LOXL3: variants seen among roughly 807,000 people sequenced by gnomAD.
LOXL3 encodes the protein lysyl oxidase like 3.
Under a neutral mutation model 91.8 loss-of-function variants are expected in LOXL3, and 60 were observed. The ratio of observed to expected loss-of-function variants is 0.65; its 90% CI spans 0.53 to 0.81. The LOEUF (loss-of-function observed/expected upper bound fraction) is 0.81. LOXL3 is among the 30% of genes least tolerant of loss of function. The pLI is 0.00. For synonymous variants in LOXL3, 355 were observed against 387.6 expected (o/e 0.92, Z 0.99); for missense variants, 874 against 1,000.4 (o/e 0.87, Z 1.70).
In LOXL3 at chr2:74,533,557, A is replaced by T. The variant is rs753783781; in HGVS notation, c.*49T>A. Reference sequence around the variant, plus strand: ...AAGCTCCTGAGGTAATGGCAGCCTCAGACCCCTGCCATTAGGGGCCAGTGG... The same window carrying T: ...AAGCTCCTGAGGTAATGGCAGCCTCTGACCCCTGCCATTAGGGGCCAGTGG... On this transcript the variant is annotated 3_prime_UTR_variant, in exon 14 of 14. Coordinates refer to ENST00000264094, the MANE Select transcript of LOXL3 (RefSeq NM_032603.5). 6.5e-7 allele frequency: 1 copy of T among 1,541,178 alleles called. No individual in the cohort carries two copies. The highest frequency in any genetic ancestry group is 1.1e-5 in the South Asian group (1 of 88,972).
Position 74,532,448 on chromosome 2 carries a change from A to T in LOXL3, c.*1158T>A. On this transcript the variant is annotated 3_prime_UTR_variant, in exon 14 of 14. Coordinates refer to ENST00000264094, the MANE Select transcript of LOXL3 (RefSeq NM_032603.5). ...CATGTGGTGTACATCTTTTATGTAC[A>T]TGTTGCACTTTATTGCTAGAAGACA... is the stretch of plus-strand genomic sequence containing the variant. The T allele has an allele frequency of 4.5e-6, 3 of 671,362 alleles. No individual in the cohort carries two copies. The highest frequency in any genetic ancestry group is 8.2e-6 in the Non-Finnish European group (3 of 365,848). 41.6% of individuals were successfully genotyped at this position (671,362 alleles called of 1,614,324 possible).
At position 74,533,643 on chromosome 2, in the gene LOXL3, T is replaced by C; in HGVS notation, c.2225A>G (p.Glu742Gly). 6.2e-7 allele frequency: 1 copy of C among 1,613,976 alleles called. No individual in the cohort carries two copies. Among genetic ancestry groups the C allele is most frequent in the Non-Finnish European group, 8.5e-7 (1 of 1,179,984 alleles). The change falls in exon 14 of 14, where the codon GAA becomes GGA. Residue 742 changes from glutamate to glycine, a missense_variant. By Grantham distance (98) the Glu-to-Gly change is moderately conservative. Transcript: ENST00000264094. ...AFSEEANRRF[E>G]RYPGQTSNQI... ...GTTGCTGGTCTGGCCAGGGTAGCGT[T>C]CAAACCTCCTGTTGGCCTCTTCACT...
At position 74,533,046 on chromosome 2, in the gene LOXL3, T is replaced by C. The variant is rs2104382641; in HGVS notation, c.*560A>G. 6.5e-7 allele frequency: 1 copy of C among 1,548,698 alleles called. No homozygotes were observed. ...TTCCTCCTTGCCTTTCTGGCTGAGG[T>C]TCTGAGGGCACCGAGACAGAGGGTT... is the stretch of plus-strand genomic sequence containing the variant. On this transcript the variant is annotated 3_prime_UTR_variant, in exon 14 of 14. Transcript: ENST00000264094.
chr2:74,544,133 G>A (rs918167165), intron 4 of LOXL3, among the ~76,000 whole-genome samples: 11 of 151,748 alleles, frequency 7.2e-5, no homozygotes, highest in African/African-American at 1.7e-4. Flanking sequence ...GTGAAACCTC[G>A]TCTCTACTAA....
chr2:74,555,125 C>T (rs775100757), upstream of LOXL3: 619 of 1,589,104 alleles, frequency 3.9e-4, no homozygotes, highest in Non-Finnish European at 5.1e-4. This position sits in a 1 kb window ranked among gnomAD's most constrained non-coding sequence, Gnocchi z 6.1. Flanking sequence ...CACGCCACTC[C>T]CTCTCGAGCA....
Position 74,552,361 on chromosome 2 carries a change from T to G in LOXL3, c.274A>C (p.Thr92Pro). The change falls in exon 2 of 14, where the codon ACA (threonine) becomes CCA (proline). Residue 92 changes from threonine (T) to proline (P), a missense_variant. Physicochemically the swap from Thr to Pro is conservative, Grantham distance 38. Transcript: ENST00000264094. Reference sequence around the variant, plus strand: ...TATTTGGCACTGTGGGTCCAGCCTGTGGCCTCTGTGAAGCCCAGCTCCCGG... The same window carrying G: ...TATTTGGCACTGTGGGTCCAGCCTGGGGCCTCTGTGAAGCCCAGCTCCCGG... ...LCRELGFTEATGWTHSAKYGP... is the reference protein window; with the variant it reads ...LCRELGFTEAPGWTHSAKYGP... The G allele has an allele frequency of 6.2e-7, 1 of 1,610,724 alleles. No homozygotes were observed.
At chr2:74,554,903 G>A, upstream of LOXL3, 1 of 1,575,326 alleles carries the variant, frequency 6.3e-7, no homozygotes, top group Admixed American at 1.9e-5. This position sits in a 1 kb window ranked among gnomAD's most constrained non-coding sequence, Gnocchi z 4.9. Flanking sequence ...GCGGGCTGGA[G>A]AGCGGCGCCG....
At position 74,549,567 on chromosome 2, in the gene LOXL3, T is replaced by C. The variant is rs1337348227; in HGVS notation, c.494A>G (p.Gln165Arg). Residue 165 changes from glutamine to arginine, a missense_variant, in exon 4 of 14, where the codon CAA (glutamine) becomes CGA (arginine). Physicochemically the swap from Gln to Arg is conservative, Grantham distance 43 (BLOSUM62 1). Transcript: ENST00000264094. This position sits in a 1 kb window ranked among gnomAD's most constrained non-coding sequence, Gnocchi z 5.3. ...SNVIEVEHHLQVEEVRIRPAV... is the reference protein window; with the variant it reads ...SNVIEVEHHLRVEEVRIRPAV... ...GGGTCGAATTCGCACCTCCTCCACTTGCAGGTGATGCTCTACCTGGGGGCG... is the reference window on the plus strand; with the variant it reads ...GGGTCGAATTCGCACCTCCTCCACTCGCAGGTGATGCTCTACCTGGGGGCG... The C allele has an allele frequency of 1.2e-6, 2 of 1,609,660 alleles. No homozygotes were observed. Among genetic ancestry groups the C allele is most frequent in the East Asian group, 2.2e-5 (1 of 44,716 alleles).
At chr2:74,548,106 G>T (rs1676717657) in intron 4 of LOXL3, among the ~76,000 whole-genome samples, 1 of 152,222 alleles carries the variant, frequency 6.6e-6, no homozygotes, top group Non-Finnish European at 1.5e-5. Flanking sequence ...TTAGACTTTG[G>T]TTTTAAACAT....
rs1315566540 is a variant in LOXL3 at position 74,553,921 on chromosome 2, T to G, written c.-58A>C. On this transcript the variant is annotated 5_prime_UTR_variant, in exon 1 of 14. Coordinates refer to ENST00000264094, the MANE Select transcript of LOXL3 (RefSeq NM_032603.5). ...AGGGCTGGGAGAAGAGTGCTGGTCC[T>G]GGAGATCAGTCCTAGGACTTCCAAA... The G allele has an allele frequency of 1.4e-5, 2 of 147,132 alleles. No homozygotes were observed. The highest frequency in any genetic ancestry group is 6.7e-5 in the Admixed American group (1 of 14,836). 9.1% of individuals were successfully genotyped at this position (147,132 alleles called of 1,614,324 possible).
At position 74,540,604 on chromosome 2, in the gene LOXL3, G is replaced by C. The variant is rs375344951; in HGVS notation, c.693-3676C>G. Among the ~76,000 whole-genome samples the C allele has an allele frequency of 5.3e-5, 8 of 151,908 alleles. No individual in the cohort carries two copies. The East Asian group carries it at 1.5e-3, about 29-fold the overall frequency. On this transcript the variant is annotated intron_variant, in intron 4 of 13. Transcript: ENST00000264094. ...CTGAAGTTCCAATCCCATATGCTGT[G>C]GTCATTCACAAACTGAGTTCATCTC... is the stretch of plus-strand genomic sequence containing the variant.
chr2:74,540,486 G>C (rs545895049), intron 4 of LOXL3, among the ~76,000 whole-genome samples: 200 of 152,200 alleles, frequency 1.3e-3, no homozygotes, highest in Non-Finnish European at 2.4e-3. Flanking sequence ...CGCTGGACCA[G>C]GACCAAGAAC....
Position 74,536,291 on chromosome 2 carries a change from C to T in LOXL3, c.1093G>A (p.Gly365Ser), listed in dbSNP as rs143457594. The T allele has an allele frequency of 1.9e-6, 3 of 1,613,602 alleles. No individual in the cohort carries two copies. The highest frequency in any genetic ancestry group is 1.7e-5 in the Admixed American group (1 of 59,988). The stretch of plus-strand genomic sequence containing the variant: ...CCCTCCCACCTCCATGCCACCTCAC[C>T]CTGCCCCATGCGAGCGCCACTCAGA... Reference protein sequence around the residue: ...EALSGARMGQGMGAIHLSEVR... With the variant: ...EALSGARMGQSMGAIHLSEVR... Residue 365 changes from glycine to serine, a missense_variant and splice_region_variant, in exon 6 of 14, where the codon GGC becomes AGC. Transcript: ENST00000264094. The surrounding 1 kb of genome is among the most constrained non-coding windows in gnomAD (Gnocchi z 4.5).
In LOXL3 at chr2:74,534,533, A is replaced by C. The variant is rs372589604; in HGVS notation, c.1821T>G (p.His607Gln). 6.2e-7 allele frequency: 1 copy of C among 1,613,996 alleles called. No homozygotes were observed. Among genetic ancestry groups the C allele is most frequent in the Non-Finnish European group, 8.5e-7 (1 of 1,179,938 alleles). ...GRHSWVWHEC[H>Q]GHYHSMDIFT... The stretch of plus-strand genomic sequence containing the variant: ...TACTTGACTCCCTACCCTCTCACCC[A>C]TGGCACTCGTGCCACACCCAGGAGT... The change falls in exon 10 of 14, where the codon CAT becomes CAG. Residue 607 changes from histidine (H) to glutamine (Q), a missense_variant and splice_region_variant. By Grantham distance (24) the His-to-Gln change is conservative. Coordinates refer to ENST00000264094, the MANE Select transcript of LOXL3 (RefSeq NM_032603.5).
chr2:74,555,582 G>C, upstream of LOXL3: 1 of 1,614,236 alleles, frequency 6.2e-7, no homozygotes, highest in Non-Finnish European at 8.5e-7. This position sits in a 1 kb window ranked among gnomAD's most constrained non-coding sequence, Gnocchi z 6.1. Flanking sequence ...CAGAAAGGCA[G>C]CTGGACTCTG....
At position 74,549,090 on chromosome 2, in the gene LOXL3, G is replaced by T. The variant is rs541074345; in HGVS notation, c.692+279C>A. The T allele has an allele frequency of 1.4e-5, 4 of 290,168 alleles. No individual in the cohort carries two copies. Among genetic ancestry groups the T allele is most frequent in the African/African-American group, 6.6e-5 (3 of 45,784 alleles). The allele number at this position is 290,168 out of a possible 1,614,324, so 18.0% of individuals were successfully genotyped here. On this transcript the variant is annotated intron_variant, in intron 4 of 13. Coordinates refer to ENST00000264094, the MANE Select transcript of LOXL3 (RefSeq NM_032603.5). The surrounding 1 kb of genome is among the most constrained non-coding windows in gnomAD (Gnocchi z 5.3). ...CTGGGAGTGGCCTCGCGAGGCCGGC[G>T]CGCGCCCCGGGGCCGAGGAATCCGC...
chr2:74,555,055 C>A, upstream of LOXL3: 1 of 1,467,138 alleles, frequency 6.8e-7, no homozygotes, highest in South Asian at 1.3e-5. This position sits in a 1 kb window ranked among gnomAD's most constrained non-coding sequence, Gnocchi z 6.1. Context: ...TTGGAAGCCC[C>A]AGATCCCAAA....
chr2:74,555,446 C>T, upstream of LOXL3: 1 of 1,609,396 alleles, frequency 6.2e-7, no homozygotes, highest in Non-Finnish European at 8.5e-7. The surrounding 1 kb of genome is among the most constrained non-coding windows in gnomAD (Gnocchi z 6.1). Flanking sequence ...TGCCGAAACG[C>T]CTTTCCGGTG....
chr2:74,534,792 G>A lies in LOXL3; in HGVS notation c.1580-18C>T, dbSNP rs756038574. 5.0e-6 allele frequency: 8 copies of A among 1,605,796 alleles called. No homozygotes were observed. Among genetic ancestry groups the A allele is most frequent in the South Asian group, 4.4e-5 (4 of 90,914 alleles). On this transcript the variant is annotated intron_variant, in intron 9 of 13. Coordinates refer to ENST00000264094, the MANE Select transcript of LOXL3 (RefSeq NM_032603.5). ...TGATGCAGCTGCACCAAGAAAGGAA[G>A]GGGGTGTTAGAAGTCACTGCTGACT...
Sources: allele counts gnomAD v4.1 joint callset (sites outside exome capture counted in the v4.1 genomes callset), GRCh38; gene constraint gnomAD v4.1.1; non-coding constraint Gnocchi (gnomAD v3.1); transcripts MANE v1.5; gene names NCBI Gene and HGNC (gene_info 2026-07-23, HGNC 2026-07-21).